The following ARHGEF6 variants were observed in gnomAD, a reference collection of about 807,000 sequenced individuals.
ARHGEF6 encodes Rac/Cdc42 guanine nucleotide exchange factor 6.
ARHGEF6 carries 9 observed loss-of-function variants against 70.3 expected under a neutral mutation model. That is an observed-to-expected ratio of 0.13 (90% confidence interval 0.08 to 0.22). ARHGEF6 has a LOEUF of 0.22. Ranked by LOEUF, ARHGEF6 falls within the 10% of genes least tolerant of loss-of-function variation. ARHGEF6 has a pLI of 1.00. For synonymous variants in ARHGEF6, 201 were observed against 207.8 expected (o/e 0.97, Z 0.28); for missense variants, 470 against 563.0 (o/e 0.83, Z 1.67).
intron 6 of ARHGEF6, among the ~76,000 whole-genome samples, chrX:136,715,898 G>C (rs968051144): frequency 2.6e-4 from 29 of 112,335 alleles, no homozygotes; most frequent in African/African-American, 9.1e-4. Flanking sequence ...TTTTACCAGA[G>C]CATAACCTAT....
At chrX:136,753,161 G>T (rs137890507) in intron 2 of ARHGEF6, among the ~76,000 whole-genome samples, 2,144 of 112,370 alleles carry the variant, frequency 0.019, 54 homozygotes, top group African/African-American at 0.065. Flanking sequence ...TTTCTACTCT[G>T]CCTGGTTTTA....
chrX:136,697,200 T>C (rs929698923), intron 9 of ARHGEF6, among the ~76,000 whole-genome samples: 7 of 111,513 alleles, frequency 6.3e-5, no homozygotes, highest in African/African-American at 2.3e-4. Context: ...AAGAAATTGG[T>C]TTTATTTGGA....
At chrX:136,723,573 A>G (rs1380284195) in intron 6 of ARHGEF6, among the ~76,000 whole-genome samples, 5 of 112,087 alleles carry the variant, frequency 4.5e-5, no homozygotes, top group African/African-American at 1.6e-4. Context: ...CAACAGTACT[A>G]TATTTTATTA....
intron 2 of ARHGEF6, among the ~76,000 whole-genome samples, chrX:136,764,783 T>A (rs766564813): frequency 8.9e-6 from 1 of 112,312 alleles, no homozygotes; most frequent in African/African-American, 3.2e-5. Context: ...TTCCCGAATG[T>A]AAATATAAAG....
chrX:136,769,906 T>A (rs1003685647), intron 2 of ARHGEF6, among the ~76,000 whole-genome samples: 6 of 112,286 alleles, frequency 5.3e-5, no homozygotes, highest in African/African-American at 1.9e-4. Context: ...ACAAATAGAC[T>A]ATAAAGGGAT....
At chrX:136,754,058 A>G (rs2077179518) in intron 2 of ARHGEF6, among the ~76,000 whole-genome samples, 1 of 111,548 alleles carries the variant, frequency 9.0e-6, no homozygotes, top group Non-Finnish European at 1.9e-5. Flanking sequence ...CCAAGATCTG[A>G]GCTTTCTCCC....
At chrX:136,739,492 A>G (rs778093742) in intron 5 of ARHGEF6, among the ~76,000 whole-genome samples, 1 of 112,728 alleles carries the variant, frequency 8.9e-6, no homozygotes, top group African/African-American at 3.2e-5. Flanking sequence ...ACGCTGTAAT[A>G]TTCATTCATT....
chrX:136,698,552 T>C (rs1253895753), intron 9 of ARHGEF6, among the ~76,000 whole-genome samples: 17 of 111,679 alleles, frequency 1.5e-4, no homozygotes, highest in Non-Finnish European at 9.4e-5. Context: ...TAGATAATAT[T>C]AACAGCTGAT....
At chrX:136,726,235 G>A (rs185744747) in intron 6 of ARHGEF6, among the ~76,000 whole-genome samples, 183 of 111,194 alleles carry the variant, frequency 1.6e-3, no homozygotes, top group African/African-American at 5.5e-3. Flanking sequence ...CAGTAGAACC[G>A]CCTGCAGTGA....
intron 3 of ARHGEF6, among the ~76,000 whole-genome samples, 174 bp downstream of exon 3, chrX:136,747,334 A>G (rs186276372): frequency 1.8e-5 from 2 of 111,225 alleles, no homozygotes; most frequent in South Asian, 3.8e-4. Context: ...TATATTTTAA[A>G]TCCTAAGCCA....
intron 4 of ARHGEF6, among the ~76,000 whole-genome samples, chrX:136,744,848 T>A (rs1283297944): frequency 8.9e-6 from 1 of 112,387 alleles, no homozygotes; most frequent in Non-Finnish European, 1.9e-5. Context: ...AGGATACTAA[T>A]CAATATTTAT....
Position 136,681,928 on chromosome X carries a change from T to A in ARHGEF6, c.1520A>T (p.Asp507Val). Residue 507 changes from aspartate (D) to valine (V), a missense_variant, in exon 14 of 22, where the codon GAT (aspartate) becomes GTT (valine). Physicochemically the swap from Asp to Val is radical, Grantham distance 152. Around this residue, in one of 3 missense-constraint regions of ARHGEF6, gnomAD observed 379 missense variants for 449.3 expected, o/e 0.84. Transcript: ENST00000250617. ...PIAGTVVTRL[D>V]EIEGNDCTFE... ...TGTGCAGTCATTCCCTTCAATTTCA[T>A]CTAATCTAGTCACCACCGTTCCTGC... 1 of 1,209,361 alleles carries A rather than the reference T, an allele frequency of 8.3e-7. No homozygotes were observed. Among genetic ancestry groups the A allele is most frequent in the Non-Finnish European group, 1.1e-6 (1 of 893,404 alleles).
intron 19 of ARHGEF6, among the ~76,000 whole-genome samples, chrX:136,674,124 C>T (rs2076254246): frequency 8.9e-6 from 1 of 112,294 alleles, no homozygotes; most frequent in African/African-American, 3.2e-5. Flanking sequence ...GCTTTGGCCT[C>T]CCAAAGTGCT....
chrX:136,684,420 G>A (rs1376177021), intron 12 of ARHGEF6, among the ~76,000 whole-genome samples: 4 of 112,061 alleles, frequency 3.6e-5, no homozygotes, highest in Non-Finnish European at 5.6e-5. Flanking sequence ...CGCCAAAGAC[G>A]TGTCAGAGAG....
At chrX:136,699,199 G>A (rs2076540695) in intron 9 of ARHGEF6, among the ~76,000 whole-genome samples, 1 of 110,969 alleles carries the variant, frequency 9.0e-6, no homozygotes, top group East Asian at 2.8e-4. Context: ...TGTATATGGA[G>A]TTCATATTTA....
chrX:136,721,610 G>A (rs184406598), intron 6 of ARHGEF6, among the ~76,000 whole-genome samples: 1 of 111,805 alleles, frequency 8.9e-6, no homozygotes, highest in Admixed American at 9.5e-5. Context: ...TTAAAAAGAT[G>A]AAAATCCTGC....
intron 6 of ARHGEF6, among the ~76,000 whole-genome samples, chrX:136,730,924 G>T (rs1203602498): frequency 9.0e-6 from 1 of 111,306 alleles, no homozygotes; most frequent in Non-Finnish European, 1.9e-5. Flanking sequence ...ATATGCTCCA[G>T]ACCCACAGAG....
chrX:136,734,655 A>G (rs148207379), intron 5 of ARHGEF6, among the ~76,000 whole-genome samples: 1,344 of 112,047 alleles, frequency 0.012, 22 homozygotes, highest in African/African-American at 0.041. Flanking sequence ...TTATGAAACC[A>G]CTATTACACT....
At chrX:136,723,885 G>A (rs753977657) in intron 6 of ARHGEF6, among the ~76,000 whole-genome samples, 46 of 110,596 alleles carry the variant, frequency 4.2e-4, no homozygotes, top group Non-Finnish European at 7.7e-4. Context: ...AAATCAAATC[G>A]CGCCACTGCA....
Sources: allele counts gnomAD v4.1 joint callset (sites outside exome capture counted in the v4.1 genomes callset), GRCh38; gene constraint gnomAD v4.1.1; regional missense constraint gnomAD v4.1.1; transcripts MANE v1.5; gene names NCBI Gene and HGNC (gene_info 2026-07-23, HGNC 2026-07-21).